The following FARS2 variants were observed in gnomAD, a reference collection of about 807,000 sequenced individuals.
FARS2 encodes phenylalanyl-tRNA synthetase 2, mitochondrial.
Under a neutral mutation model 46.4 loss-of-function variants are expected in FARS2, and 40 were observed. The ratio of observed to expected loss-of-function variants is 0.86; its 90% CI spans 0.67 to 1.12. FARS2 has a LOEUF of 1.12. Ranked by LOEUF, FARS2 falls within the 50% of genes most tolerant of loss-of-function variation. The pLI is 0.00. For missense variants in FARS2, 513 were observed against 567.9 expected (o/e 0.90, Z 0.98); for synonymous variants, 234 against 214.9 (o/e 1.09, Z -0.78).
chr6:5,686,226 A>T (rs1368778125), intron 6 of FARS2, among the ~76,000 whole-genome samples: 1 of 152,120 alleles, frequency 6.6e-6, no homozygotes. Context: ...TTATACTTTA[A>T]GTTTTAGGGT....
intron 4 of FARS2, among the ~76,000 whole-genome samples, chr6:5,522,174 G>A (rs944541637): frequency 1.3e-4 from 20 of 152,188 alleles, no homozygotes; most frequent in African/African-American, 4.8e-4. Flanking sequence ...ACCATGCACA[G>A]TCATAAGCTC....
At chr6:5,609,634 C>G in intron 5 of FARS2, 1 of 1,214,332 alleles carries the variant, frequency 8.2e-7, no homozygotes, top group Non-Finnish European at 1.2e-6. Context: ...CACTCACCAT[C>G]TCTTGCTTTG....
At chr6:5,492,368 G>C (rs942408211) in intron 4 of FARS2, among the ~76,000 whole-genome samples, 3 of 152,204 alleles carry the variant, frequency 2.0e-5, no homozygotes, top group Non-Finnish European at 4.4e-5. Flanking sequence ...GATTTATTAA[G>C]ATAGTGTATA....
chr6:5,390,860 A>G (rs1301676287), intron 2 of FARS2, among the ~76,000 whole-genome samples: 1 of 152,212 alleles, frequency 6.6e-6, no homozygotes, highest in Non-Finnish European at 1.5e-5. Flanking sequence ...AATGTGGAAC[A>G]TGATCATAGC....
intron 4 of FARS2, among the ~76,000 whole-genome samples, chr6:5,503,688 A>G (rs1767941628): frequency 1.3e-5 from 2 of 152,214 alleles, no homozygotes; most frequent in South Asian, 4.1e-4. Flanking sequence ...TCTTAGAATT[A>G]GAAGCTGCCA....
chr6:5,373,653 T>C (rs1759198556), intron 2 of FARS2, among the ~76,000 whole-genome samples: 1 of 152,132 alleles, frequency 6.6e-6, no homozygotes, highest in Admixed American at 6.6e-5. Context: ...ACAGTGTGTG[T>C]GGATGGGTTC....
intron 4 of FARS2, among the ~76,000 whole-genome samples, chr6:5,485,828 C>G (rs199655136): frequency 1.3e-5 from 2 of 152,164 alleles, no homozygotes; most frequent in Non-Finnish European, 2.9e-5. Context: ...AATTAGAATT[C>G]GGTACCACTG....
intron 1 of FARS2, among the ~76,000 whole-genome samples, chr6:5,329,561 C>T (rs541902088): frequency 2.0e-5 from 3 of 152,158 alleles, no homozygotes; most frequent in Admixed American, 1.3e-4. Flanking sequence ...TAGCCCAGAC[C>T]CCACAGGCTA....
intron 6 of FARS2, among the ~76,000 whole-genome samples, chr6:5,712,629 A>G (rs1450049235): frequency 6.6e-6 from 1 of 152,250 alleles, no homozygotes; most frequent in Non-Finnish European, 1.5e-5. Context: ...CAAAGCTGGA[A>G]AGCGGCAGAG....
intron 4 of FARS2, among the ~76,000 whole-genome samples, chr6:5,534,133 A>C (rs771780365): frequency 6.6e-6 from 1 of 152,218 alleles, no homozygotes; most frequent in Non-Finnish European, 1.5e-5. Flanking sequence ...CAATTAGTGT[A>C]TCTCAGTGTT....
chr6:5,688,662 CT>C (rs1360698438), intron 6 of FARS2, among the ~76,000 whole-genome samples: 1 of 152,104 alleles, frequency 6.6e-6, no homozygotes, highest in Non-Finnish European at 1.5e-5. Flanking sequence ...CTAAAATTCT[CT>C]TTTTTTGTTG....
chr6:5,361,886 T>G (rs1225215506), intron 1 of FARS2, among the ~76,000 whole-genome samples: 1 of 152,200 alleles, frequency 6.6e-6, no homozygotes, highest in East Asian at 1.9e-4. Flanking sequence ...AATGTTTTCT[T>G]TACACAGAAG....
intron 6 of FARS2, among the ~76,000 whole-genome samples, chr6:5,654,546 T>C (rs1251438056): frequency 2.0e-5 from 3 of 152,004 alleles, no homozygotes; most frequent in Non-Finnish European, 4.4e-5. Flanking sequence ...CAAGGATGAG[T>C]GTAACACCGA....
chr6:5,552,148 G>T (rs75456157), intron 5 of FARS2, among the ~76,000 whole-genome samples: 88 of 152,264 alleles, frequency 5.8e-4, no homozygotes, highest in African/African-American at 2.1e-3. Flanking sequence ...AATAAGGATA[G>T]TATTAAAGTG....
At chr6:5,632,575 C>T (rs1019556743) in intron 6 of FARS2, among the ~76,000 whole-genome samples, 1 of 150,626 alleles carries the variant, frequency 6.6e-6, no homozygotes, top group Non-Finnish European at 1.5e-5. Context: ...CTTTCCCTTC[C>T]TCCTTCCCCC....
chr6:5,687,726 A>G (rs1298628654), intron 6 of FARS2, among the ~76,000 whole-genome samples: 8 of 152,158 alleles, frequency 5.3e-5, no homozygotes, highest in African/African-American at 1.9e-4. Flanking sequence ...TTTTTTTCCA[A>G]TTCTGTGAAG....
intron 2 of FARS2, among the ~76,000 whole-genome samples, chr6:5,374,509 G>T (rs1759256108): frequency 6.6e-6 from 1 of 151,976 alleles, no homozygotes; most frequent in Non-Finnish European, 1.5e-5. Context: ...AGCCTCAGAT[G>T]ATTTTACACA....
At chr6:5,679,885 A>G (rs577518169) in intron 6 of FARS2, among the ~76,000 whole-genome samples, 1 of 147,414 alleles carries the variant, frequency 6.8e-6, no homozygotes, top group South Asian at 2.2e-4. Context: ...CTTCATAACA[A>G]CACCCTAGAG....
intron 6 of FARS2, among the ~76,000 whole-genome samples, chr6:5,691,576 G>A (rs541313647): frequency 7.9e-5 from 12 of 152,322 alleles, no homozygotes; most frequent in Non-Finnish European, 1.3e-4. Context: ...GTACCCGGCC[G>A]TGTGAGGTGT....
Sources: allele counts gnomAD v4.1 joint callset (sites outside exome capture counted in the v4.1 genomes callset), GRCh38; gene constraint gnomAD v4.1.1; transcripts MANE v1.5; gene names NCBI Gene and HGNC (gene_info 2026-07-23, HGNC 2026-07-21).